USP13: variants seen among roughly 807,000 people sequenced by gnomAD.
USP13 encodes ubiquitin specific peptidase 13, also known as ubiquitin carboxyl-terminal hydrolase 13.
A neutral mutation model predicts 107.8 loss-of-function variants in USP13; 68 were observed. That is an observed-to-expected ratio of 0.63 (90% CI 0.52 to 0.77). The LOEUF (loss-of-function observed/expected upper bound fraction) is 0.77, where lower values mean the gene tolerates loss of function less well. Ranked by LOEUF, USP13 falls within the 30% of genes least tolerant of loss-of-function variation. The pLI, the probability that USP13 is intolerant of heterozygous loss-of-function variation, is 0.00. For missense variants in USP13, 945 were observed against 1,093.3 expected (o/e 0.86, Z 1.91); for synonymous variants, 377 against 389.5 (o/e 0.97, Z 0.38).
chr3:179,765,931 A>G, intron 19 of USP13, 83 bp downstream of exon 19: 1 of 1,455,106 alleles, frequency 6.9e-7, no homozygotes, highest in Non-Finnish European at 9.2e-7. Flanking sequence ...CAACATAGTC[A>G]AGCCTTTGCC....
intron 6 of USP13, 137 bp downstream of exon 6, chr3:179,709,094 T>A (rs1014456414): frequency 9.0e-7 from 1 of 1,113,532 alleles, no homozygotes; most frequent in Non-Finnish European, 1.3e-6. Flanking sequence ...CTGCCTCTTA[T>A]TAGTTTTGAG....
chr3:179,676,961 C>T (rs753036864), intron 1 of USP13, among the ~76,000 whole-genome samples: 9 of 151,982 alleles, frequency 5.9e-5, no homozygotes, highest in Non-Finnish European at 8.8e-5. Flanking sequence ...TGGGTTCAAG[C>T]GATTCTCCTG....
chr3:179,731,734 C>T (rs184041302), intron 10 of USP13, among the ~76,000 whole-genome samples: 4 of 152,290 alleles, frequency 2.6e-5, no homozygotes, highest in Non-Finnish European at 5.9e-5. Flanking sequence ...GCTTACGCAT[C>T]TGTGTTTGGC....
intron 1 of USP13, among the ~76,000 whole-genome samples, chr3:179,661,033 A>G (rs982260180): frequency 6.6e-6 from 1 of 152,244 alleles, no homozygotes; most frequent in Non-Finnish European, 1.5e-5. Flanking sequence ...AAACAATTTG[A>G]ACAATTACAT....
At chr3:179,745,006 A>C in intron 12 of USP13, 37 bp from the exon 13 acceptor site, 1 of 1,612,528 alleles carries the variant, frequency 6.2e-7, no homozygotes. Flanking sequence ...ACAGGGTAAG[A>C]GCGATTGCAA....
intron 4 of USP13, among the ~76,000 whole-genome samples, chr3:179,706,274 T>C (rs535707048): frequency 6.6e-6 from 1 of 152,342 alleles, no homozygotes; most frequent in South Asian, 2.1e-4. Context: ...CAATAGAACA[T>C]TGGCTAATAG....
At chr3:179,776,878 T>C (rs1031748408) in intron 19 of USP13, among the ~76,000 whole-genome samples, 714 of 148,562 alleles carry the variant, frequency 4.8e-3, no homozygotes, top group Non-Finnish European at 8.0e-3. Flanking sequence ...TTTTTTTTTT[T>C]TTTTTGGGAG....
At chr3:179,704,477 A>C (rs1305819139) in intron 4 of USP13, among the ~76,000 whole-genome samples, 1 of 152,164 alleles carries the variant, frequency 6.6e-6, no homozygotes, top group Non-Finnish European at 1.5e-5. Context: ...TCTTCCCTGC[A>C]CAGCAGCCAG....
intron 1 of USP13, among the ~76,000 whole-genome samples, chr3:179,661,859 G>T (rs532632824): frequency 6.6e-6 from 1 of 152,164 alleles, no homozygotes; most frequent in Non-Finnish European, 1.5e-5. Context: ...AGAAGGAGAA[G>T]CCACTTTGCT....
rs998814931 is a variant in USP13 at position 179,720,923 on chromosome 3, T to C, written c.901-479T>C. On this transcript the variant is annotated intron_variant, in intron 7 of 20. Coordinates refer to ENST00000263966, the MANE Select transcript of USP13 (RefSeq NM_003940.3). ...TCCTGGGTTCAAGCAGTTCTCCTGCTTCAGCCTCCCGAGTAGCTGGGACTA... is the reference window on the plus strand; with the variant it reads ...TCCTGGGTTCAAGCAGTTCTCCTGCCTCAGCCTCCCGAGTAGCTGGGACTA... Among the ~76,000 whole-genome samples, 10 of 151,602 alleles carry C rather than the reference T, an allele frequency of 6.6e-5. No homozygotes were observed. The East Asian group carries it at 1.6e-3, about 24-fold the overall frequency.
chr3:179,713,539 C>G (rs1336393518), intron 6 of USP13, among the ~76,000 whole-genome samples: 1 of 152,118 alleles, frequency 6.6e-6, no homozygotes, highest in African/African-American at 2.4e-5. Flanking sequence ...GTAGCCATCT[C>G]TCGGTGAAGT....
chr3:179,690,693 C>G (rs1712085564), intron 3 of USP13, among the ~76,000 whole-genome samples: 2 of 152,302 alleles, frequency 1.3e-5, no homozygotes, highest in East Asian at 3.9e-4. Context: ...CCACCTCAGC[C>G]TCCCAAGTAG....
intron 1 of USP13, among the ~76,000 whole-genome samples, chr3:179,674,938 G>A (rs977018075): frequency 2.0e-5 from 3 of 152,082 alleles, no homozygotes; most frequent in Non-Finnish European, 2.9e-5. Context: ...TTGGGAAGCC[G>A]AGGCAGGTGG....
chr3:179,781,249 T>A (rs1357028602), intron 19 of USP13, among the ~76,000 whole-genome samples: 1 of 152,216 alleles, frequency 6.6e-6, no homozygotes, highest in African/African-American at 2.4e-5. Flanking sequence ...ATAACAGTTA[T>A]CTGCTCTCTT....
Position 179,739,563 on chromosome 3 carries a change from T to C in USP13, c.1255-684T>C, listed in dbSNP as rs974964597. ...CCTCTCATTTATTTATTCATTCATT[T>C]ATTTATTTATTGAGATGGAGTTTTG... On this transcript the variant is annotated intron_variant, in intron 10 of 20. Transcript: ENST00000263966. Among the ~76,000 whole-genome samples the C allele has an allele frequency of 3.9e-5, 6 of 152,200 alleles. No homozygotes were observed. The South Asian group carries it at 8.3e-4, about 21-fold the overall frequency.
chr3:179,670,013 T>C (rs1720704560), intron 1 of USP13, among the ~76,000 whole-genome samples: 1 of 150,270 alleles, frequency 6.7e-6, no homozygotes, highest in South Asian at 2.1e-4. Flanking sequence ...CCTCCTGTAC[T>C]GTCGCCACCT....
At chr3:179,707,808 G>T (rs1483599698) in intron 5 of USP13, among the ~76,000 whole-genome samples, 2 of 152,192 alleles carry the variant, frequency 1.3e-5, no homozygotes, top group Non-Finnish European at 2.9e-5. Flanking sequence ...GTCTGATTTG[G>T]TTGAATCCTG....
intron 6 of USP13, among the ~76,000 whole-genome samples, chr3:179,717,424 A>G (rs1182372002): frequency 1.3e-5 from 2 of 152,240 alleles, no homozygotes; most frequent in African/African-American, 2.4e-5. Context: ...TTTTTGGAGC[A>G]GTTAATGGCT....
At chr3:179,658,366 C>G (rs144964913) in intron 1 of USP13, among the ~76,000 whole-genome samples, 2 of 152,198 alleles carry the variant, frequency 1.3e-5, no homozygotes, top group East Asian at 1.9e-4. Flanking sequence ...GCCTGCATTA[C>G]GTAGAGTCTG....
Sources: gnomAD v4.1 joint callset for allele counts (sites outside exome capture counted in the v4.1 genomes callset) on GRCh38, gnomAD v4.1.1 for gene constraint, MANE v1.5 for transcripts, NCBI Gene and HGNC (gene_info 2026-07-23, HGNC 2026-07-21) for gene names.